The following SPRED1 variants were observed in gnomAD, a reference collection of about 807,000 sequenced individuals.
SPRED1 encodes sprouty related EVH1 domain containing 1, also known as sprouty-related, EVH1 domain-containing protein 1.
A neutral mutation model predicts 52.3 loss-of-function variants in SPRED1; 18 were observed. That is an observed-to-expected ratio of 0.34 (90% CI 0.24 to 0.51). The LOEUF (loss-of-function observed/expected upper bound fraction) is 0.51, where lower values mean the gene tolerates loss of function less well. Ranked by LOEUF, SPRED1 falls within the 20% of genes least tolerant of loss-of-function variation. The pLI, the probability that SPRED1 is intolerant of heterozygous loss-of-function variation, is 0.97. For missense variants in SPRED1, 485 were observed against 551.0 expected, an observed-to-expected ratio of 0.88 and a Z score of 1.20; for synonymous variants, 155 against 179.7, an observed-to-expected ratio of 0.86 and a Z score of 1.10.
Position 38,351,146 on chromosome 15 carries a change from A to G in SPRED1, c.817A>G (p.Arg273Gly), listed in dbSNP as rs913339445. ...TGACATGTGGAAAAATGACTTGGAA[A>G]GAGATGATGCTGATTCCAGTATTCA... ...HPDMWKNDLERDDADSSIQFS... is the reference protein window; with the variant it reads ...HPDMWKNDLEGDDADSSIQFS... Residue 273 changes from arginine to glycine, a missense_variant, in exon 7 of 7, where the codon AGA becomes GGA. Around this residue, in one of 5 missense-constraint regions of SPRED1, gnomAD observed 205 missense variants for 245.2 expected, o/e 0.84. Transcript: ENST00000299084. 6.2e-7 allele frequency: 1 copy of G among 1,614,132 alleles called. No individual in the cohort carries two copies. Among genetic ancestry groups the G allele is most frequent in the Non-Finnish European group, 8.5e-7 (1 of 1,179,998 alleles).
Position 38,339,899 on chromosome 15 carries a change from A to G in SPRED1, c.582+4A>G. The G allele has an allele frequency of 2.5e-6, 4 of 1,613,824 alleles. No individual in the cohort carries two copies. Among genetic ancestry groups the G allele is most frequent in the Non-Finnish European group, 3.4e-6 (4 of 1,179,844 alleles). ...CATGCAAAGCCAAGCCAATCAGGTA[A>G]GAAGATAAAATATTTTTTCGGCGCG... On this transcript the variant is annotated splice_donor_region_variant and intron_variant, in intron 5 of 6. Coordinates refer to ENST00000299084, the MANE Select transcript of SPRED1 (RefSeq NM_152594.3).
chr15:38,329,301 ATCT>A (rs1203422965), intron 4 of SPRED1, among the ~76,000 whole-genome samples: 2 of 152,202 alleles, frequency 1.3e-5, no homozygotes, highest in Non-Finnish European at 2.9e-5. Context: ...GACTAAGTTA[ATCT>A]TCTTTAGAAG....
chr15:38,275,592 G>A (rs1209984971), intron 1 of SPRED1, among the ~76,000 whole-genome samples: 1 of 152,096 alleles, frequency 6.6e-6, no homozygotes, highest in Non-Finnish European at 1.5e-5. Flanking sequence ...TTGCCTCCCA[G>A]GTTCAATCAA....
At chr15:38,311,093 T>C (rs1293536662) in intron 2 of SPRED1, among the ~76,000 whole-genome samples, 2 of 152,090 alleles carry the variant, frequency 1.3e-5, no homozygotes. Context: ...CTTGCAGGCA[T>C]TTTTTATCAA....
rs1223762726 is a variant in SPRED1 at position 38,352,002 on chromosome 15, G to C, written c.*338G>C. ...TGCATTAGGTGATGGGACTTTTAAA[G>C]GTTTGAATTTATTAGGACACGAACT... is the stretch of plus-strand genomic sequence containing the variant. On this transcript the variant is annotated 3_prime_UTR_variant, in exon 7 of 7. Coordinates refer to ENST00000299084, the MANE Select transcript of SPRED1 (RefSeq NM_152594.3). 1 of 298,652 alleles carries C rather than the reference G, an allele frequency of 3.3e-6. No individual in the cohort carries two copies. The highest frequency in any genetic ancestry group is 6.3e-6 in the Non-Finnish European group (1 of 159,358). The allele number at this position is 298,652 out of a possible 1,614,324, so 18.5% of individuals were successfully genotyped here.
intron 2 of SPRED1, among the ~76,000 whole-genome samples, chr15:38,303,006 A>G (rs1321636083): frequency 6.6e-6 from 1 of 152,052 alleles, no homozygotes; most frequent in East Asian, 1.9e-4. Flanking sequence ...TACTAAAAAT[A>G]CAAAACAAAC....
chr15:38,336,119 A>G (rs1206869834), intron 4 of SPRED1, among the ~76,000 whole-genome samples: 5 of 151,904 alleles, frequency 3.3e-5, no homozygotes, highest in East Asian at 1.9e-4. Context: ...CCTACATTGT[A>G]TATTATATTA....
At chr15:38,345,794 G>A (rs1297695490) in intron 5 of SPRED1, among the ~76,000 whole-genome samples, 1 of 152,062 alleles carries the variant, frequency 6.6e-6, no homozygotes, top group South Asian at 2.1e-4. Flanking sequence ...TACTGTCTTT[G>A]TTATACTGGA....
At chr15:38,288,856 CTGTT>C (rs1043913671) in intron 1 of SPRED1, among the ~76,000 whole-genome samples, 4 of 152,046 alleles carry the variant, frequency 2.6e-5, no homozygotes, top group Admixed American at 6.6e-5. Context: ...ACTAGAGTAA[CTGTT>C]TGGTTAGGCT....
intron 4 of SPRED1, among the ~76,000 whole-genome samples, chr15:38,335,724 G>C (rs1895900352): frequency 6.6e-6 from 1 of 151,818 alleles, no homozygotes; most frequent in African/African-American, 2.4e-5. Context: ...AGGAGTTTGA[G>C]GCCATCCTGG....
rs1334606004 is a variant in SPRED1 at position 38,275,551 on chromosome 15, G to T, written c.32+22334G>T. Among the ~76,000 whole-genome samples, 6 of 152,256 alleles carry T rather than the reference G, an allele frequency of 3.9e-5. No individual in the cohort carries two copies. In the South Asian group the frequency reaches 1.0e-3, roughly 26 times the overall value. On this transcript the variant is annotated intron_variant, in intron 1 of 6. Coordinates refer to ENST00000299084, the MANE Select transcript of SPRED1 (RefSeq NM_152594.3). ...CTTGCTCTGTCTCCCAGGCTGGAGTGCAATGGCGTGATCTTGGCTTGCTGC... is the reference window on the plus strand; with the variant it reads ...CTTGCTCTGTCTCCCAGGCTGGAGTTCAATGGCGTGATCTTGGCTTGCTGC...
chr15:38,340,782 A>G (rs528666611), intron 5 of SPRED1, among the ~76,000 whole-genome samples: 2 of 152,150 alleles, frequency 1.3e-5, no homozygotes, highest in Admixed American at 6.5e-5. Context: ...CACCCGCCTC[A>G]GCTTCCCAAA....
chr15:38,323,358 G>A (rs1309367593), intron 3 of SPRED1, among the ~76,000 whole-genome samples: 1 of 152,040 alleles, frequency 6.6e-6, no homozygotes, highest in East Asian at 1.9e-4. Flanking sequence ...TTACTATGAA[G>A]TAATAGTAGC....
chr15:38,333,308 CATT>C (rs1430511635), intron 4 of SPRED1, among the ~76,000 whole-genome samples: 1 of 152,018 alleles, frequency 6.6e-6, no homozygotes, highest in Admixed American at 6.6e-5. Flanking sequence ...TGAAGCATGT[CATT>C]GTTGGGCAGA....
At chr15:38,269,842 G>A (rs1035315721) in intron 1 of SPRED1, among the ~76,000 whole-genome samples, 2 of 151,728 alleles carry the variant, frequency 1.3e-5, no homozygotes, top group African/African-American at 4.8e-5. Context: ...AATTTATATA[G>A]CCACAAGTGG....
chr15:38,341,892 C>T (rs530310706), intron 5 of SPRED1, among the ~76,000 whole-genome samples: 35 of 151,966 alleles, frequency 2.3e-4, no homozygotes, highest in South Asian at 6.2e-4. Flanking sequence ...TCTGGTAATA[C>T]TTCTTGCCTA....
At chr15:38,329,397 A>G (rs1374757814) in intron 4 of SPRED1, among the ~76,000 whole-genome samples, 1 of 152,170 alleles carries the variant, frequency 6.6e-6, no homozygotes, top group Non-Finnish European at 1.5e-5. Context: ...AGGGATATGA[A>G]TTGTTCATGT....
In SPRED1 at chr15:38,319,787, T is replaced by A. The variant is rs1895564869; in HGVS notation, c.208-2454T>A. Among the ~76,000 whole-genome samples the A allele has an allele frequency of 3.9e-5, 6 of 152,318 alleles. No homozygotes were observed. In the South Asian group the frequency reaches 1.2e-3, roughly 32 times the overall value. On this transcript the variant is annotated intron_variant, in intron 2 of 6. Transcript: ENST00000299084. ...GGGCAGGACTGAACCTTAGTCACATTTTTGGTTATTTCTGAATTAATAAAA... is the reference window on the plus strand; with the variant it reads ...GGGCAGGACTGAACCTTAGTCACATATTTGGTTATTTCTGAATTAATAAAA...
chr15:38,259,211 T>C (rs1894158821), intron 1 of SPRED1, among the ~76,000 whole-genome samples: 1 of 152,198 alleles, frequency 6.6e-6, no homozygotes, highest in African/African-American at 2.4e-5. Flanking sequence ...CATGTATCTT[T>C]GATGACACAA....
Sources: gnomAD v4.1 joint callset for allele counts (sites outside exome capture counted in the v4.1 genomes callset) on GRCh38, gnomAD v4.1.1 for gene constraint, gnomAD v4.1.1 regional missense constraint, MANE v1.5 for transcripts, NCBI Gene and HGNC (gene_info 2026-07-23, HGNC 2026-07-21) for gene names.